AKT3: variants seen among roughly 807,000 people sequenced by gnomAD.
AKT3 encodes the protein RAC-gamma serine/threonine-protein kinase.
AKT3 carries 15 observed loss-of-function variants against 65.3 expected under a neutral mutation model. That is an observed-to-expected ratio of 0.23 (90% confidence interval 0.15 to 0.35). The LOEUF is 0.35. Among genes scored for constraint, AKT3 ranks in the 10% least tolerant of loss-of-function variants. AKT3 has a pLI of 1.00. For missense variants in AKT3, 243 were observed against 576.5 expected (o/e 0.42, Z 5.92); for synonymous variants, 206 against 183.8 (o/e 1.12, Z -0.98).
intron 2 of AKT3, among the ~76,000 whole-genome samples, chr1:243,813,502 A>G (rs1164253638): frequency 6.8e-6 from 1 of 146,652 alleles, no homozygotes; most frequent in Non-Finnish European, 1.5e-5. Flanking sequence ...AAAAAAAGAA[A>G]AAAAGTACAT....
intron 5 of AKT3, among the ~76,000 whole-genome samples, chr1:243,643,428 T>G (rs1434246708): frequency 6.6e-6 from 1 of 152,242 alleles, no homozygotes; most frequent in African/African-American, 2.4e-5. Context: ...CTTCACATAC[T>G]TGACAAGGCA....
At chr1:243,505,361 T>C (rs773093665) in intron 13 of AKT3, 27 bp from the exon 14 acceptor site, 59 of 1,596,720 alleles carry the variant, frequency 3.7e-5, no homozygotes, top group African/African-American at 5.4e-5. Flanking sequence ...TCTATTTTAA[T>C]TTTACACATT....
At chr1:243,785,724 T>C (rs776904947) in intron 2 of AKT3, among the ~76,000 whole-genome samples, 2 of 152,212 alleles carry the variant, frequency 1.3e-5, no homozygotes, top group Non-Finnish European at 2.9e-5. Context: ...CCTATAACCA[T>C]GCCAGCTGCA....
At chr1:243,805,089 G>A (rs944288699) in intron 2 of AKT3, among the ~76,000 whole-genome samples, 3 of 151,980 alleles carry the variant, frequency 2.0e-5, no homozygotes, top group Non-Finnish European at 4.4e-5. Flanking sequence ...TCACACTCCC[G>A]GGATACATAA....
Position 243,552,728 on chromosome 1 carries a change from C to T in AKT3, c.1163+1G>A, listed in dbSNP as rs2148465903. The stretch of plus-strand genomic sequence containing the variant: ...TTCACTAAGCGTTATTTGAGGCTTA[C>T]CGTTTATTTGGATCCTTTATCAAGA... On this transcript the variant is annotated splice_donor_variant, in intron 11 of 13. Transcript: ENST00000673466. LOFTEE classifies it high-confidence loss of function. 1 of 1,612,064 alleles carries T rather than the reference C, an allele frequency of 6.2e-7. No individual in the cohort carries two copies. The highest frequency in any genetic ancestry group is 8.5e-7 in the Non-Finnish European group (1 of 1,178,610).
intron 2 of AKT3, 101 bp from the exon 3 acceptor site, chr1:243,695,817 T>G (rs1178246355): frequency 9.7e-7 from 1 of 1,031,568 alleles, no homozygotes; most frequent in Non-Finnish European, 1.3e-6. Context: ...AACACTGGCC[T>G]CCAAAAATTT....
At chr1:243,850,737 C>T (rs1261991187), upstream of AKT3, among the ~76,000 whole-genome samples, 1 of 151,934 alleles carries the variant, frequency 6.6e-6, no homozygotes, top group Non-Finnish European at 1.5e-5. Flanking sequence ...GGCCCTCGTC[C>T]TCAGGCTTCC....
intron 12 of AKT3, among the ~76,000 whole-genome samples, chr1:243,527,609 A>G (rs1671197104): frequency 6.6e-6 from 1 of 151,994 alleles, no homozygotes; most frequent in African/African-American, 2.4e-5. Flanking sequence ...ATAGGTCCCT[A>G]CTTGGGTTTC....
intron 12 of AKT3, among the ~76,000 whole-genome samples, chr1:243,531,290 G>C (rs1671510490): frequency 6.6e-6 from 1 of 151,948 alleles, no homozygotes; most frequent in African/African-American, 2.4e-5. Flanking sequence ...GTGGGGTTTT[G>C]CCATTGGTCT....
chr1:243,609,385 C>T (rs1456006568), intron 8 of AKT3, among the ~76,000 whole-genome samples: 1 of 147,812 alleles, frequency 6.8e-6, no homozygotes, highest in Non-Finnish European at 1.5e-5. Context: ...CTGTAATTAC[C>T]TACGCATGTT....
chr1:243,520,402 G>A (rs1025801950), intron 12 of AKT3, among the ~76,000 whole-genome samples: 3 of 152,190 alleles, frequency 2.0e-5, no homozygotes, highest in Non-Finnish European at 2.9e-5. Flanking sequence ...AAACCACCCA[G>A]TCTGTGGTAT....
At chr1:243,776,427 C>T (rs1690552182) in intron 2 of AKT3, among the ~76,000 whole-genome samples, 1 of 152,026 alleles carries the variant, frequency 6.6e-6, no homozygotes, top group Non-Finnish European at 1.5e-5. Flanking sequence ...AGGGTGGGGC[C>T]CTCACCCTCA....
intron 2 of AKT3, among the ~76,000 whole-genome samples, chr1:243,767,209 A>G (rs1267977027): frequency 6.6e-6 from 1 of 152,216 alleles, no homozygotes; most frequent in African/African-American, 2.4e-5. Context: ...AGTCCAATGC[A>G]GCAATGAAAC....
chr1:243,524,751 C>T (rs1350057121), intron 12 of AKT3, among the ~76,000 whole-genome samples: 1 of 152,190 alleles, frequency 6.6e-6, no homozygotes, highest in Non-Finnish European at 1.5e-5. Context: ...CACTTACAAT[C>T]ATGGTCAAGC....
intron 13 of AKT3, chr1:243,489,005 T>C (rs1665717289): frequency 6.2e-7 from 1 of 1,613,318 alleles, no homozygotes; most frequent in Non-Finnish European, 8.5e-7. Flanking sequence ...GCGGTGGATT[T>C]TTCTCCAGGC....
At chr1:243,650,365 T>A (rs1163493922) in intron 4 of AKT3, among the ~76,000 whole-genome samples, 5 of 152,152 alleles carry the variant, frequency 3.3e-5, no homozygotes, top group African/African-American at 9.7e-5. Context: ...CTGCCTGTTC[T>A]CTCTGATGAT....
chr1:243,838,674 C>T (rs1171763630), intron 2 of AKT3, among the ~76,000 whole-genome samples: 1 of 152,180 alleles, frequency 6.6e-6, no homozygotes, highest in Non-Finnish European at 1.5e-5. Context: ...TTTTGCTCAG[C>T]AGAATTAAGC....
chr1:243,687,520 C>A (rs1383299179), intron 3 of AKT3: 1 of 152,050 alleles, frequency 6.6e-6, no homozygotes, highest in East Asian at 1.9e-4. Context: ...TGAAATCTTT[C>A]AGAGATGCAG....
intron 13 of AKT3, among the ~76,000 whole-genome samples, chr1:243,510,958 G>C (rs1669974072): frequency 6.6e-6 from 1 of 152,246 alleles, no homozygotes; most frequent in Admixed American, 6.5e-5. Context: ...GTCTATGCTG[G>C]GGACAGAGGC....
Sources: gnomAD v4.1 joint callset for allele counts (sites outside exome capture counted in the v4.1 genomes callset) on GRCh38, gnomAD v4.1.1 for gene constraint, MANE v1.5 for transcripts, NCBI Gene and HGNC (gene_info 2026-07-23, HGNC 2026-07-21) for gene names.